Variants in PPARGC1A observed in about 807,000 individuals in gnomAD.
PPARGC1A encodes peroxisome proliferator-activated receptor gamma coactivator 1-alpha.
Under a neutral mutation model 88.7 loss-of-function variants are expected in PPARGC1A, and 25 were observed. The ratio of observed to expected loss-of-function variants is 0.28; its 90% CI spans 0.21 to 0.39. The LOEUF (loss-of-function observed/expected upper bound fraction) is 0.39. Ranked by LOEUF, PPARGC1A falls within the 10% of genes least tolerant of loss-of-function variation. PPARGC1A has a pLI of 1.00. For missense variants in PPARGC1A, 880 were observed against 968.7 expected, an observed-to-expected ratio of 0.91 and a Z score of 1.22; for synonymous variants, 363 against 355.6, an observed-to-expected ratio of 1.02 and a Z score of -0.24.
At chr4:24,175,112 T>C in the PPARGC1A span, among the ~76,000 whole-genome samples, 6 of 152,180 alleles carry the variant, frequency 3.9e-5, no homozygotes, top group African/African-American at 1.4e-4. Flanking sequence ...GTTCATGAGC[T>C]TCATTGTTGG....
At position 23,876,588 on chromosome 4, in the gene PPARGC1A, C is replaced by T. The variant is rs147042518; in HGVS notation, c.234+8164G>A. Among the ~76,000 whole-genome samples, 561 of 152,202 alleles carry T rather than the reference C, an allele frequency of 3.7e-3. 3 individuals carry two copies. Among genetic ancestry groups the T allele is most frequent in the South Asian group, 0.031 (149 of 4,814 alleles). On this transcript the variant is annotated intron_variant, in intron 2 of 12. Transcript: ENST00000264867. ...GCTGATTTGGCGCAGGGAAGGGCATCGGCCACCAGGGATTTGACTACTGAG... is the reference window on the plus strand; with the variant it reads ...GCTGATTTGGCGCAGGGAAGGGCATTGGCCACCAGGGATTTGACTACTGAG...
chr4:24,280,046 C>T, the PPARGC1A span, among the ~76,000 whole-genome samples: 2 of 152,276 alleles, frequency 1.3e-5, no homozygotes, highest in Non-Finnish European at 1.5e-5. Context: ...CCCCACACAT[C>T]CCGCCCCCTT....
the PPARGC1A span, among the ~76,000 whole-genome samples, chr4:24,030,327 C>A: frequency 6.6e-6 from 1 of 152,152 alleles, no homozygotes; most frequent in Non-Finnish European, 1.5e-5. Context: ...CACAAAAATG[C>A]AGTTGCCACC....
At chr4:24,449,398 A>G in the PPARGC1A span, among the ~76,000 whole-genome samples, 60 of 152,316 alleles carry the variant, frequency 3.9e-4, 1 homozygote, top group Middle Eastern at 0.02. Flanking sequence ...GTTGCTGATC[A>G]TTGTCTATCC....
At chr4:24,047,791 C>T in the PPARGC1A span, among the ~76,000 whole-genome samples, 4 of 152,190 alleles carry the variant, frequency 2.6e-5, no homozygotes, top group Non-Finnish European at 4.4e-5. Flanking sequence ...TCCAGAAATC[C>T]TATTCATGAA....
At chr4:24,247,403 G>A in the PPARGC1A span, among the ~76,000 whole-genome samples, 67,971 of 151,740 alleles carry the variant, frequency 0.45, 16,321 homozygotes, top group East Asian at 0.75. Context: ...ATAAAACTCC[G>A]TTTACTTCCG....
chr4:24,401,496 T>C, the PPARGC1A span, among the ~76,000 whole-genome samples: 1 of 151,258 alleles, frequency 6.6e-6, no homozygotes, highest in African/African-American at 2.4e-5. Context: ...GCTTGCTTAC[T>C]GCTCCAGAGA....
chr4:23,985,344 G>A, the PPARGC1A span, among the ~76,000 whole-genome samples: 63,565 of 151,894 alleles, frequency 0.42, 13,703 homozygotes, highest in African/African-American at 0.47. Context: ...CTAACAGGGC[G>A]TGTATTCTGA....
intron 2 of PPARGC1A, among the ~76,000 whole-genome samples, chr4:23,847,856 T>A (rs923933827): frequency 3.3e-5 from 5 of 152,210 alleles, no homozygotes; most frequent in Non-Finnish European, 7.3e-5. Context: ...AATTTGTCTT[T>A]TTCCAGTTTT....
chr4:23,984,747 C>G, the PPARGC1A span, among the ~76,000 whole-genome samples: 6 of 151,998 alleles, frequency 3.9e-5, no homozygotes, highest in Admixed American at 3.9e-4. Context: ...GATTTTTATC[C>G]CCATTTTACA....
Position 23,859,654 on chromosome 4 carries a change from G to A in PPARGC1A, c.234+25098C>T, listed in dbSNP as rs188509184. Among the ~76,000 whole-genome samples, 138 of 151,798 alleles carry A rather than the reference G, an allele frequency of 9.1e-4. 1 individual carries two copies. Among genetic ancestry groups the A allele is most frequent in the African/African-American group, 3.0e-3 (124 of 41,392 alleles). Reference sequence around the variant, plus strand: ...AAATTAGCCCAGCGTGGTGGCGGGCGCCTGTAATCCCAGCTACTCGGGAGG... The same window carrying A: ...AAATTAGCCCAGCGTGGTGGCGGGCACCTGTAATCCCAGCTACTCGGGAGG... On this transcript the variant is annotated intron_variant, in intron 2 of 12. Coordinates refer to ENST00000264867, the MANE Select transcript of PPARGC1A (RefSeq NM_013261.5).
chr4:24,466,628 G>T, the PPARGC1A span, among the ~76,000 whole-genome samples: 1 of 152,182 alleles, frequency 6.6e-6, no homozygotes, highest in Admixed American at 6.5e-5. Context: ...CATTGTCACT[G>T]CTCTTTAATT....
At chr4:24,351,199 C>G in the PPARGC1A span, among the ~76,000 whole-genome samples, 9 of 149,956 alleles carry the variant, frequency 6.0e-5, no homozygotes, top group African/African-American at 2.0e-4. Context: ...CCACTGCACT[C>G]CAGCCTGAGT....
the PPARGC1A span, among the ~76,000 whole-genome samples, chr4:24,330,074 A>T: frequency 3.2e-4 from 49 of 152,148 alleles, no homozygotes; most frequent in Non-Finnish European, 6.2e-4. Flanking sequence ...TTCCATGTGC[A>T]TTACTCAGTA....
chr4:23,886,149 GCA>G (rs1716849906), intron 1 of PPARGC1A, among the ~76,000 whole-genome samples: 1 of 152,154 alleles, frequency 6.6e-6, no homozygotes, highest in Non-Finnish European at 1.5e-5. Flanking sequence ...AAATCAGGAG[GCA>G]CACACTGACG....
At chr4:24,057,873 A>G in the PPARGC1A span, among the ~76,000 whole-genome samples, 1 of 152,200 alleles carries the variant, frequency 6.6e-6, no homozygotes, top group Non-Finnish European at 1.5e-5. Context: ...AACTGTTTTA[A>G]TTAGTTTGGT....
chr4:24,431,141 AAG>A, the PPARGC1A span, among the ~76,000 whole-genome samples: 2 of 148,724 alleles, frequency 1.3e-5, no homozygotes, highest in Non-Finnish European at 1.5e-5. Flanking sequence ...AAAAAAAAAA[AAG>A]AGAAAAAAAA....
chr4:24,109,794 G>A, the PPARGC1A span, among the ~76,000 whole-genome samples: 1 of 152,170 alleles, frequency 6.6e-6, no homozygotes, highest in Admixed American at 6.5e-5. Context: ...GTTCAAGGAT[G>A]AGGGGCAGGG....
the PPARGC1A span, among the ~76,000 whole-genome samples, chr4:24,427,789 C>A: frequency 6.6e-6 from 1 of 151,984 alleles, no homozygotes; most frequent in African/African-American, 2.4e-5. Context: ...GTCAGGAGAT[C>A]CACAAGAAAG....
Sources: allele counts gnomAD v4.1 joint callset (sites outside exome capture counted in the v4.1 genomes callset), GRCh38; gene constraint gnomAD v4.1.1; transcripts MANE v1.5; gene names NCBI Gene and HGNC (gene_info 2026-07-23, HGNC 2026-07-21).